Variants in ADGRB1 observed in about 807,000 individuals in gnomAD.
The protein encoded by ADGRB1 is brain-specific angiogenesis inhibitor 1.
A neutral mutation model predicts 175.7 loss-of-function variants in ADGRB1; 36 were observed. The ratio of observed to expected loss-of-function variants is 0.20; its 90% CI spans 0.16 to 0.27. The LOEUF (loss-of-function observed/expected upper bound fraction) is 0.27. Ranked by LOEUF, ADGRB1 falls within the 10% of genes least tolerant of loss-of-function variation. ADGRB1 has a pLI of 1.00. For synonymous variants in ADGRB1, 1,054 were observed against 979.4 expected (o/e 1.08, Z -1.42); for missense variants, 1,731 against 2,255.3 (o/e 0.77, Z 4.71).
At chr8:142,461,557 C>T (rs893191884) in intron 1 of ADGRB1, among the ~76,000 whole-genome samples, 1 of 152,218 alleles carries the variant, frequency 6.6e-6, no homozygotes, top group South Asian at 2.1e-4. Flanking sequence ...CGGCCGCAGG[C>T]CCACAGAGGC....
chr8:142,460,865 G>A (rs989189275), intron 1 of ADGRB1, among the ~76,000 whole-genome samples: 1 of 152,078 alleles, frequency 6.6e-6, no homozygotes, highest in Non-Finnish European at 1.5e-5. Context: ...CCACTCCCTC[G>A]CCATCACCCC....
At chr8:142,527,966 A>G (rs1387191672) in intron 24 of ADGRB1, among the ~76,000 whole-genome samples, 1 of 152,160 alleles carries the variant, frequency 6.6e-6, no homozygotes, top group African/African-American at 2.4e-5. Flanking sequence ...TGCCCACCTC[A>G]CCCTGTGTGT....
intron 17 of ADGRB1, among the ~76,000 whole-genome samples, chr8:142,502,666 T>G (rs1587362128): frequency 6.8e-6 from 1 of 147,238 alleles, no homozygotes; most frequent in African/African-American, 2.7e-5. Flanking sequence ...ATGGTGATGG[T>G]GGTAGTAAGG....
At chr8:142,536,007 TGA>T (rs1367761192) in intron 25 of ADGRB1, among the ~76,000 whole-genome samples, 1 of 152,002 alleles carries the variant, frequency 6.6e-6, no homozygotes, top group Non-Finnish European at 1.5e-5. Context: ...ATCTGCCTGA[TGA>T]GAGGGGTGGG....
intron 1 of ADGRB1, among the ~76,000 whole-genome samples, chr8:142,453,457 C>T (rs1251628053): frequency 1.3e-5 from 2 of 152,158 alleles, no homozygotes; most frequent in African/African-American, 2.4e-5. Context: ...GTATTGTTAA[C>T]CCCTCCGGGC....
chr8:142,490,654 A>G (rs932297545), intron 16 of ADGRB1, 118 bp from the exon 17 acceptor site: 15 of 1,219,344 alleles, frequency 1.2e-5, no homozygotes, highest in Non-Finnish European at 1.6e-5. Context: ...CAGTCTGTTC[A>G]GGGACCCGCA....
At chr8:142,462,310 G>A (rs1351140720) in intron 1 of ADGRB1, among the ~76,000 whole-genome samples, 1 of 152,200 alleles carries the variant, frequency 6.6e-6, no homozygotes, top group Non-Finnish European at 1.5e-5. Flanking sequence ...CCTGCTGGAA[G>A]CACTTCCTGC....
At chr8:142,470,677 G>T (rs984485603) in intron 2 of ADGRB1, among the ~76,000 whole-genome samples, 5 of 152,174 alleles carry the variant, frequency 3.3e-5, no homozygotes, top group African/African-American at 1.2e-4. Flanking sequence ...CTGGAACTGG[G>T]TGTGGAGTGT....
intron 18 of ADGRB1, among the ~76,000 whole-genome samples, chr8:142,514,376 G>A (rs1315755077): frequency 2.0e-5 from 3 of 152,140 alleles, no homozygotes; most frequent in South Asian, 2.1e-4. Context: ...CGCAGATGCC[G>A]GCTCTGCGGC....
At chr8:142,507,923 C>A (rs1842921191) in intron 17 of ADGRB1, among the ~76,000 whole-genome samples, 1 of 152,004 alleles carries the variant, frequency 6.6e-6, no homozygotes, top group South Asian at 2.1e-4. Flanking sequence ...CAAAGGCTGG[C>A]AGGCATAGAC....
chr8:142,484,168 A>G (rs1841537481), intron 12 of ADGRB1, 123 bp downstream of exon 12: 2 of 781,600 alleles, frequency 2.6e-6, no homozygotes, highest in African/African-American at 1.7e-5. Flanking sequence ...GGATCTCAGG[A>G]TGGTCTCTTG....
chr8:142,489,633 A>C (rs1222464433), intron 16 of ADGRB1, among the ~76,000 whole-genome samples, 195 bp downstream of exon 16: 1 of 152,140 alleles, frequency 6.6e-6, no homozygotes, highest in Admixed American at 6.5e-5. Flanking sequence ...TCACACAGCA[A>C]GTGAGGTGCC....
At chr8:142,518,379 C>A in intron 19 of ADGRB1, 138 bp downstream of exon 19, 1 of 860,076 alleles carries the variant, frequency 1.2e-6, no homozygotes, top group Non-Finnish European at 1.8e-6. Flanking sequence ...CCGCATTTGC[C>A]ACGGAACCAG....
At chr8:142,535,980 T>C (rs1010301839) in intron 25 of ADGRB1, among the ~76,000 whole-genome samples, 2 of 152,118 alleles carry the variant, frequency 1.3e-5, no homozygotes, top group African/African-American at 2.4e-5. Flanking sequence ...TCTCGCCCGC[T>C]TTGGGCCTCG....
At position 142,510,880 on chromosome 8, in the gene ADGRB1, C is replaced by G; in HGVS notation, c.2676-52C>G. The stretch of plus-strand genomic sequence containing the variant: ...TCGGGGGCCGGGGCGCCCGCGTCCC[C>G]GCCGCCGCTGACGCTCCGCCTGTCT... On this transcript the variant is annotated intron_variant, in intron 17 of 30. Coordinates refer to ENST00000517894, the MANE Select transcript of ADGRB1 (RefSeq NM_001702.3). The surrounding 1 kb of genome is among the most constrained non-coding windows in gnomAD (Gnocchi z 6.3). 2.0e-6 allele frequency: 2 copies of G among 1,000,780 alleles called. No individual in the cohort carries two copies. Among genetic ancestry groups the G allele is most frequent in the South Asian group, 9.1e-5 (2 of 22,054 alleles). The allele number at this position is 1,000,780 out of a possible 1,614,324, so 62.0% of individuals were successfully genotyped here.
Position 142,490,758 on chromosome 8 carries a change from C to A in ADGRB1, c.2632-14C>A, listed in dbSNP as rs1255760136. ...GGCTGCCAGGGGCCCTGACTCCTCT[C>A]CCCTCTCTCCCAGGGCACCACCAAC... On this transcript the variant is annotated splice_polypyrimidine_tract_variant and intron_variant, in intron 16 of 30. Transcript: ENST00000517894. The A allele has an allele frequency of 1.9e-6, 3 of 1,571,340 alleles. No individual in the cohort carries two copies. In the South Asian group the frequency reaches 3.5e-5, roughly 18 times the overall value.
At chr8:142,487,517 T>C (rs1346091911) in intron 13 of ADGRB1, among the ~76,000 whole-genome samples, 1 of 152,198 alleles carries the variant, frequency 6.6e-6, no homozygotes, top group African/African-American at 2.4e-5. Flanking sequence ...GCGCTACTGA[T>C]GCGCATGCCC....
rs966680997 is a variant in ADGRB1 at position 142,537,893 on chromosome 8, G to T, written c.3666+811G>T. On this transcript the variant is annotated intron_variant, in intron 26 of 30. Coordinates refer to ENST00000517894, the MANE Select transcript of ADGRB1 (RefSeq NM_001702.3). This position sits in a 1 kb window ranked among gnomAD's most constrained non-coding sequence, Gnocchi z 4.6. ...CCTGGGGCTCAGCCAGGACCGTAGTGGGCTCCTAGTCACCAAGTCTGCTCC... is the reference window on the plus strand; with the variant it reads ...CCTGGGGCTCAGCCAGGACCGTAGTTGGCTCCTAGTCACCAAGTCTGCTCC... Among the ~76,000 whole-genome samples, 7 of 152,090 alleles carry T rather than the reference G, an allele frequency of 4.6e-5. No individual in the cohort carries two copies. The highest frequency in any genetic ancestry group is 6.5e-5 in the Admixed American group (1 of 15,272).
intron 17 of ADGRB1, among the ~76,000 whole-genome samples, chr8:142,501,480 TGATGG>T (rs1345317019): frequency 2.3e-4 from 30 of 132,044 alleles, no homozygotes; most frequent in African/African-American, 8.6e-4. Context: ...GTGGTGGTGA[TGATGG>T]GGTGGTGGTA....
Sources: allele counts gnomAD v4.1 joint callset (sites outside exome capture counted in the v4.1 genomes callset), GRCh38; gene constraint gnomAD v4.1.1; non-coding constraint Gnocchi (gnomAD v3.1); transcripts MANE v1.5; gene names NCBI Gene and HGNC (gene_info 2026-07-23, HGNC 2026-07-21).